The following PHACTR3 variants were observed in gnomAD, a reference collection of about 807,000 sequenced individuals.
The protein encoded by PHACTR3 is phosphatase and actin regulator 3.
PHACTR3 carries 16 observed loss-of-function variants against 66.8 expected under a neutral mutation model. The ratio of observed to expected loss-of-function variants is 0.24; its 90% CI spans 0.16 to 0.36. The LOEUF is 0.36. Ranked by LOEUF, PHACTR3 falls within the 10% of genes least tolerant of loss-of-function variation. The pLI, the probability that PHACTR3 is intolerant of heterozygous loss-of-function variation, is 1.00. For missense variants in PHACTR3, 647 were observed against 719.9 expected, an observed-to-expected ratio of 0.90 and a Z score of 1.16; for synonymous variants, 323 against 292.1, an observed-to-expected ratio of 1.11 and a Z score of -1.08.
intron 6 of PHACTR3, among the ~76,000 whole-genome samples, chr20:59,773,729 G>C (rs981215093): frequency 8.5e-5 from 13 of 152,252 alleles, no homozygotes; most frequent in Admixed American, 1.3e-4. Context: ...GACCCAGGGT[G>C]GGGTGGGAGC....
chr20:59,727,360 GT>G (rs2038605181), intron 1 of PHACTR3, among the ~76,000 whole-genome samples: 1 of 152,098 alleles, frequency 6.6e-6, no homozygotes. Context: ...CATTTGGGCT[GT>G]TTTTGCTTTA....
At chr20:59,762,840 G>A (rs184636214) in intron 4 of PHACTR3, among the ~76,000 whole-genome samples, 105 of 152,318 alleles carry the variant, frequency 6.9e-4, no homozygotes, top group Non-Finnish European at 2.8e-4. Flanking sequence ...GGAAACACGT[G>A]GGTATTTCTG....
At chr20:59,761,772 C>T (rs1286431904) in intron 4 of PHACTR3, among the ~76,000 whole-genome samples, 1 of 152,150 alleles carries the variant, frequency 6.6e-6, no homozygotes, top group African/African-American at 2.4e-5. Flanking sequence ...GAACTTGTGG[C>T]GCTGTGGTTG....
At chr20:59,679,743 A>G (rs1168521644) in intron 1 of PHACTR3, among the ~76,000 whole-genome samples, 1 of 152,194 alleles carries the variant, frequency 6.6e-6, no homozygotes, top group Non-Finnish European at 1.5e-5. Context: ...GGCAGCAGAC[A>G]AGAGATAATG....
chr20:59,817,526 A>T (rs1017829610), intron 8 of PHACTR3, among the ~76,000 whole-genome samples: 24 of 152,332 alleles, frequency 1.6e-4, no homozygotes, highest in Middle Eastern at 6.8e-3. Flanking sequence ...TTAACCCATG[A>T]CTCGCCACAG....
chr20:59,629,222 GC>G (rs1600954854), intron 1 of PHACTR3, among the ~76,000 whole-genome samples: 1 of 152,210 alleles, frequency 6.6e-6, no homozygotes, highest in African/African-American at 2.4e-5. Context: ...TCTACGTTGT[GC>G]CCCCACCATG....
chr20:59,792,352 A>C (rs2041130640), intron 7 of PHACTR3, among the ~76,000 whole-genome samples: 1 of 152,256 alleles, frequency 6.6e-6, no homozygotes, highest in African/African-American at 2.4e-5. Flanking sequence ...TGGCTGAGTC[A>C]TGTGGTAGGT....
intron 1 of PHACTR3, among the ~76,000 whole-genome samples, chr20:59,577,782 C>A (rs1568911906): frequency 6.6e-6 from 1 of 152,238 alleles, no homozygotes; most frequent in Non-Finnish European, 1.5e-5. Flanking sequence ...CCCCGGGTCT[C>A]GGGCTTACCG....
At chr20:59,689,466 A>G (rs1601110759) in intron 1 of PHACTR3, among the ~76,000 whole-genome samples, 1 of 152,218 alleles carries the variant, frequency 6.6e-6, no homozygotes, top group East Asian at 1.9e-4. Flanking sequence ...GGAGTTTCGT[A>G]GAGGTGCCGC....
chr20:59,766,359 T>C (rs1240840499), intron 4 of PHACTR3, among the ~76,000 whole-genome samples: 1 of 152,170 alleles, frequency 6.6e-6, no homozygotes, highest in East Asian at 1.9e-4. Context: ...AATCCCCAGA[T>C]GAAACTTTTC....
chr20:59,797,092 T>G (rs1442580971), intron 7 of PHACTR3, among the ~76,000 whole-genome samples: 1 of 152,182 alleles, frequency 6.6e-6, no homozygotes, highest in Non-Finnish European at 1.5e-5. Context: ...GTTCAGAAGT[T>G]CATTTTGCTT....
chr20:59,845,588 A>C (rs143237908), intron 12 of PHACTR3, among the ~76,000 whole-genome samples: 2 of 152,244 alleles, frequency 1.3e-5, no homozygotes, highest in Non-Finnish European at 2.9e-5. Flanking sequence ...AATTCCTCCA[A>C]TTTATAGAAC....
At chr20:59,690,253 A>T (rs1382897593) in intron 1 of PHACTR3, among the ~76,000 whole-genome samples, 1 of 152,162 alleles carries the variant, frequency 6.6e-6, no homozygotes, top group Admixed American at 6.5e-5. Flanking sequence ...ATGCACAAAC[A>T]CAGATGTTTG....
intron 1 of PHACTR3, among the ~76,000 whole-genome samples, chr20:59,632,174 A>G (rs2034689881): frequency 1.3e-5 from 2 of 152,260 alleles, no homozygotes; most frequent in South Asian, 4.2e-4. Context: ...CCACTGCTCC[A>G]GGTTCCTGAG....
intron 1 of PHACTR3, among the ~76,000 whole-genome samples, chr20:59,702,011 T>G (rs2037524845): frequency 6.6e-6 from 1 of 152,244 alleles, no homozygotes; most frequent in Non-Finnish European, 1.5e-5. Context: ...GCCTTTAAGT[T>G]TCCTCCATGT....
At chr20:59,615,030 C>A (rs2033983013) in intron 1 of PHACTR3, among the ~76,000 whole-genome samples, 1 of 152,116 alleles carries the variant, frequency 6.6e-6, no homozygotes, top group African/African-American at 2.4e-5. Context: ...CGGGGATCTG[C>A]CTGGCCCCTA....
intron 1 of PHACTR3, among the ~76,000 whole-genome samples, chr20:59,615,771 A>G (rs2034005468): frequency 6.6e-6 from 1 of 152,216 alleles, no homozygotes; most frequent in African/African-American, 2.4e-5. Flanking sequence ...GGAAACCTTC[A>G]CTTATGCTGA....
Position 59,639,728 on chromosome 20 carries a change from G to A in PHACTR3, c.118+34596G>A, listed in dbSNP as rs562695517. Among the ~76,000 whole-genome samples, 3 of 150,156 alleles carry A rather than the reference G, an allele frequency of 2.0e-5. No individual in the cohort carries two copies. In the East Asian group the frequency reaches 6.8e-4, roughly 34 times the overall value. On this transcript the variant is annotated intron_variant, in intron 1 of 12. Transcript: ENST00000371015. ...TGGGTACTGCTGAGGGAGGAGGGGA[G>A]AAGGGGGATGGATGCACATGAATGG...
intron 7 of PHACTR3, among the ~76,000 whole-genome samples, chr20:59,797,671 G>C (rs1600674195): frequency 6.6e-6 from 1 of 152,136 alleles, no homozygotes; most frequent in South Asian, 2.1e-4. Context: ...GTGGTAGCAA[G>C]CTATAGTGTT....
Sources: gnomAD v4.1 joint callset for allele counts (sites outside exome capture counted in the v4.1 genomes callset) on GRCh38, gnomAD v4.1.1 for gene constraint, MANE v1.5 for transcripts, NCBI Gene and HGNC (gene_info 2026-07-23, HGNC 2026-07-21) for gene names.